The following PARD3 variants were observed in gnomAD, a reference collection of about 807,000 sequenced individuals.
PARD3 encodes partitioning defective 3 homolog.
A neutral mutation model predicts 155.4 loss-of-function variants in PARD3; 75 were observed. The observed-to-expected ratio is 0.48, with a 90% confidence interval of 0.40 to 0.58. The LOEUF is 0.58. Ranked by LOEUF, PARD3 falls within the 20% of genes least tolerant of loss-of-function variation. The probability of loss-of-function intolerance (pLI) is 0.00; values close to 1 mark genes in which losing one functional copy is unlikely to be tolerated. For missense variants in PARD3, 1,642 were observed against 1,721.7 expected, an observed-to-expected ratio of 0.95 and a Z score of 0.82; for synonymous variants, 576 against 610.5, an observed-to-expected ratio of 0.94 and a Z score of 0.83.
intron 2 of PARD3, among the ~76,000 whole-genome samples, chr10:34,526,399 G>C (rs2082487132): frequency 6.6e-6 from 1 of 152,272 alleles, no homozygotes; most frequent in South Asian, 2.1e-4. Flanking sequence ...GGCATGAAAA[G>C]CTGCCAATGT....
At chr10:34,338,740 A>T (rs889232063) in intron 16 of PARD3, among the ~76,000 whole-genome samples, 11 of 152,236 alleles carry the variant, frequency 7.2e-5, no homozygotes, top group African/African-American at 2.4e-4. Context: ...AAAGTAAGAT[A>T]GCAGGCAAAA....
chr10:34,562,998 C>T (rs577361571), intron 2 of PARD3, among the ~76,000 whole-genome samples: 96 of 152,132 alleles, frequency 6.3e-4, no homozygotes, highest in African/African-American at 2.2e-3. Context: ...CTCAAACTCC[C>T]GCCTTTAAGC....
chr10:34,811,592 G>A (rs75958647), intron 1 of PARD3, among the ~76,000 whole-genome samples: 3 of 152,102 alleles, frequency 2.0e-5, no homozygotes, highest in South Asian at 2.1e-4. Context: ...ATCCAGAAGC[G>A]ATTACTGACT....
intron 2 of PARD3, among the ~76,000 whole-genome samples, chr10:34,569,398 C>T (rs1053174379): frequency 3.9e-5 from 6 of 152,040 alleles, no homozygotes; most frequent in African/African-American, 7.2e-5. Flanking sequence ...TTAAATATAA[C>T]ACTGTGTTAC....
At chr10:34,697,905 G>GC (rs2094205401) in intron 1 of PARD3, among the ~76,000 whole-genome samples, 1 of 151,988 alleles carries the variant, frequency 6.6e-6, no homozygotes, top group Non-Finnish European at 1.5e-5. Context: ...CCAGAATTTG[G>GC]CATCTCCAGA....
Position 34,557,584 on chromosome 10 carries a change from T to A in PARD3, c.223-40425A>T, listed in dbSNP as rs948388972. On this transcript the variant is annotated intron_variant, in intron 2 of 24. Coordinates refer to ENST00000374788, the MANE Select transcript of PARD3 (RefSeq NM_001184785.2). ...ACCTCTGCCTCCCAGGTTGAAGCGA[T>A]TCTCTTGTCTCAGCCTCCTGAGTAG... Among the ~76,000 whole-genome samples the A allele has an allele frequency of 3.2e-4, 49 of 152,070 alleles. 1 individual carries two copies. Among genetic ancestry groups the A allele is most frequent in the Admixed American group, 3.2e-3 (49 of 15,264 alleles).
chr10:34,777,415 TC>T (rs1476820724), intron 1 of PARD3, among the ~76,000 whole-genome samples: 1 of 151,556 alleles, frequency 6.6e-6, no homozygotes, highest in Non-Finnish European at 1.5e-5. Context: ...CATATGTGTC[TC>T]CTACTCCATT....
At chr10:34,662,404 T>A (rs2093346903) in intron 2 of PARD3, among the ~76,000 whole-genome samples, 1 of 152,182 alleles carries the variant, frequency 6.6e-6, no homozygotes, top group African/African-American at 2.4e-5. Flanking sequence ...CACTGCTGGG[T>A]ATATAACCTA....
chr10:34,623,324 T>C (rs2091801921), intron 2 of PARD3, among the ~76,000 whole-genome samples: 2 of 152,166 alleles, frequency 1.3e-5, no homozygotes, highest in Non-Finnish European at 2.9e-5. Flanking sequence ...CAGACAAGTA[T>C]TTATGCACAT....
chr10:34,470,801 T>C (rs1433285290), intron 3 of PARD3, among the ~76,000 whole-genome samples: 2 of 152,164 alleles, frequency 1.3e-5, no homozygotes, highest in African/African-American at 2.4e-5. Context: ...ATATCTACTG[T>C]AATAAAAACA....
At chr10:34,363,067 G>C (rs917049079) in intron 12 of PARD3, among the ~76,000 whole-genome samples, 1 of 152,146 alleles carries the variant, frequency 6.6e-6, no homozygotes, top group South Asian at 2.1e-4. Context: ...CACTCACTAT[G>C]CTTACTTGCT....
intron 11 of PARD3, 54 bp from the exon 12 acceptor site, chr10:34,372,590 A>G: frequency 8.6e-7 from 1 of 1,163,740 alleles, no homozygotes; most frequent in Non-Finnish European, 1.3e-6. Context: ...CATCTTCAAC[A>G]CACAGGGACA....
intron 1 of PARD3, among the ~76,000 whole-genome samples, chr10:34,779,488 G>A (rs1840001424): frequency 6.6e-6 from 1 of 151,864 alleles, no homozygotes; most frequent in African/African-American, 2.4e-5. Flanking sequence ...AGGCATGGTG[G>A]CGGGCTCCTG....
intron 19 of PARD3, among the ~76,000 whole-genome samples, chr10:34,318,766 TA>T: frequency 6.6e-6 from 1 of 152,224 alleles, no homozygotes; most frequent in East Asian, 1.9e-4. Flanking sequence ...AGAATTTTTT[TA>T]TTTTTTTTAT....
chr10:34,409,731 T>A (rs1326852637), intron 5 of PARD3, among the ~76,000 whole-genome samples: 2 of 152,206 alleles, frequency 1.3e-5, no homozygotes, highest in African/African-American at 4.8e-5. Flanking sequence ...CAGAAGTGGC[T>A]TGCTTACCAG....
At chr10:34,359,457 C>G in intron 13 of PARD3, 140 bp from the exon 14 acceptor site, 1 of 601,176 alleles carries the variant, frequency 1.7e-6, no homozygotes, top group Non-Finnish European at 2.9e-6. Flanking sequence ...GGATTATGCC[C>G]AATTGAACGC....
At chr10:34,652,715 A>G (rs1227430276) in intron 2 of PARD3, among the ~76,000 whole-genome samples, 4 of 152,200 alleles carry the variant, frequency 2.6e-5, no homozygotes, top group Non-Finnish European at 5.9e-5. Flanking sequence ...GGATTTCCCT[A>G]GAAGACTCCA....
At chr10:34,574,685 T>TA (rs1469212672) in intron 2 of PARD3, among the ~76,000 whole-genome samples, 1 of 152,150 alleles carries the variant, frequency 6.6e-6, no homozygotes, top group Non-Finnish European at 1.5e-5. Flanking sequence ...GACTCAAGTA[T>TA]TTACGGCAGT....
intron 19 of PARD3, among the ~76,000 whole-genome samples, chr10:34,321,836 CTT>C (rs745398885): frequency 6.6e-6 from 1 of 152,096 alleles, no homozygotes; most frequent in Non-Finnish European, 1.5e-5. Context: ...GAGAAAATGA[CTT>C]TGGGTTTTCA....
Sources: gnomAD v4.1 joint callset for allele counts (sites outside exome capture counted in the v4.1 genomes callset) on GRCh38, gnomAD v4.1.1 for gene constraint, MANE v1.5 for transcripts, NCBI Gene and HGNC (gene_info 2026-07-23, HGNC 2026-07-21) for gene names.